Variants in SECISBP2 observed in about 807,000 individuals in gnomAD.
SECISBP2 encodes selenocysteine insertion sequence-binding protein 2.
SECISBP2 carries 96 observed loss-of-function variants against 98.2 expected under a neutral mutation model. The ratio of observed to expected loss-of-function variants is 0.98; its 90% CI spans 0.83 to 1.16. The LOEUF (loss-of-function observed/expected upper bound fraction) is 1.16. SECISBP2 is among the 50% of genes most tolerant of loss of function. SECISBP2 has a pLI of 0.00. For synonymous variants in SECISBP2, 407 were observed against 370.2 expected, an observed-to-expected ratio of 1.10 and a Z score of -1.14; for missense variants, 1,046 against 1,022.9, an observed-to-expected ratio of 1.02 and a Z score of -0.31.
At position 89,318,610 on chromosome 9, in the gene SECISBP2, G is replaced by A. The variant is rs1489475871; in HGVS notation, c.34G>A (p.Glu12Lys). 6.9e-7 allele frequency: 1 copy of A among 1,455,280 alleles called. No homozygotes were observed. 90.1% of individuals were successfully genotyped at this position (1,455,280 alleles called of 1,614,324 possible). The change falls in exon 1 of 17, where the codon GAG becomes AAG. Residue 12 changes from glutamate (E) to lysine (K), a missense_variant and splice_region_variant. Transcript: ENST00000375807. Reference protein sequence around the residue: ...ASEGPREPESEGIKLSADVKP... With the variant: ...ASEGPREPESKGIKLSADVKP... ...GGAGGGGCCGCGGGAGCCCGAAAGC[G>A]AGGTAAGGGCCGACGGGGGCTCTCT...
rs1169696626 is a variant in SECISBP2 at position 89,346,882 on chromosome 9, T to G, written c.1436T>G (p.Val479Gly). The change falls in exon 11 of 17, where the codon GTT (valine) becomes GGT (glycine). Residue 479 changes from valine to glycine, a missense_variant and splice_region_variant. Val to Gly is a moderately radical substitution (Grantham distance 109). Transcript: ENST00000375807. ...AGGGCTTTGTCCCACTGCGTTTCAGTTGGAGCAGTGCCAGTCCTTTCCAAA... is the reference window on the plus strand; with the variant it reads ...AGGGCTTTGTCCCACTGCGTTTCAGGTGGAGCAGTGCCAGTCCTTTCCAAA... ...KQSSKPVVVSVGAVPVLSKEC... is the reference protein window; with the variant it reads ...KQSSKPVVVSGGAVPVLSKEC... 6 of 1,613,950 alleles carry G rather than the reference T, an allele frequency of 3.7e-6. No homozygotes were observed. The highest frequency in any genetic ancestry group is 5.1e-6 in the Non-Finnish European group (6 of 1,180,006).
chr9:89,318,913 C>A, intron 1 of SECISBP2: 1 of 1,224,738 alleles, frequency 8.2e-7, no homozygotes, highest in Non-Finnish European at 1.0e-6. Context: ...GGGACTCTGG[C>A]GAGCTTCCCG....
At chr9:89,334,425 C>A in intron 6 of SECISBP2, 97 bp from the exon 7 acceptor site, 1 of 996,918 alleles carries the variant, frequency 1.0e-6, no homozygotes, top group Non-Finnish European at 1.6e-6. Flanking sequence ...TTTAATGATG[C>A]TCTGAGCAGT....
downstream of SECISBP2, among the ~76,000 whole-genome samples, chr9:89,359,912 T>G (rs904710856): frequency 6.6e-6 from 1 of 152,222 alleles, no homozygotes; most frequent in African/African-American, 2.4e-5. Flanking sequence ...GGAAAGAATT[T>G]TCACTGCTTT....
intron 7 of SECISBP2, among the ~76,000 whole-genome samples, chr9:89,337,213 T>G (rs1435865780): frequency 6.6e-6 from 1 of 152,210 alleles, no homozygotes; most frequent in African/African-American, 2.4e-5. Flanking sequence ...TAATTATAGG[T>G]CTAAGAAAAG....
At chr9:89,365,364 C>T in the SECISBP2 span, 1 of 152,338 alleles carries the variant, frequency 6.6e-6, no homozygotes, top group Admixed American at 6.5e-5. Flanking sequence ...CCAGGCACCC[C>T]AGCAGCGTGG....
At chr9:89,348,027 ATCTTT>A in intron 11 of SECISBP2, 47 bp from the exon 12 acceptor site, 2 of 1,533,578 alleles carry the variant, frequency 1.3e-6, no homozygotes, top group Non-Finnish European at 1.8e-6. Context: ...AGAAGAGCTT[ATCTTT>A]TAAGTACAAG....
At position 89,334,608 on chromosome 9, in the gene SECISBP2, ATAAACT is replaced by A. The variant is rs758184551; in HGVS notation, c.972_977del (p.Asn324_Leu325del). 120 of 1,614,054 alleles carry A rather than the reference ATAAACT, an allele frequency of 7.4e-5. No homozygotes were observed. The highest frequency in any genetic ancestry group is 5.2e-4 in the African/African-American group (39 of 74,948). On this transcript the variant is annotated inframe_deletion, in exon 7 of 17. Coordinates refer to ENST00000375807, the MANE Select transcript of SECISBP2 (RefSeq NM_024077.5). ...AGCCCCTAAAAATGTTACTTCTATG[ATAAACT>A]TAAAGACCATTGCTTCATCAGCAGA...
At chr9:89,367,065 C>T in the SECISBP2 span, 134 of 152,646 alleles carry the variant, frequency 8.8e-4, no homozygotes, top group African/African-American at 3.1e-3. Flanking sequence ...TCAGTAAATA[C>T]TATTTAAATA....
downstream of SECISBP2, among the ~76,000 whole-genome samples, chr9:89,360,631 C>A (rs942815175): frequency 2.0e-5 from 3 of 152,174 alleles, no homozygotes; most frequent in Non-Finnish European, 2.9e-5. Context: ...ACCAAACTCT[C>A]ATCACATGGT....
chr9:89,348,336 G>A, intron 12 of SECISBP2, 122 bp downstream of exon 12: 1 of 1,123,786 alleles, frequency 8.9e-7, no homozygotes. Flanking sequence ...GGTGAAAGTG[G>A]GTCAGCATTG....
At chr9:89,327,322 A>C (rs1826903510) in intron 4 of SECISBP2, among the ~76,000 whole-genome samples, 1 of 152,212 alleles carries the variant, frequency 6.6e-6, no homozygotes, top group Admixed American at 6.5e-5. Context: ...GACGTTCTAA[A>C]CATTGTACAC....
chr9:89,330,383 T>C (rs1337271342), intron 5 of SECISBP2: 2 of 152,238 alleles, frequency 1.3e-5, no homozygotes, highest in Non-Finnish European at 2.9e-5. Context: ...TCTGATGAAT[T>C]TCCGCTGAAG....
At chr9:89,365,817 T>C in the SECISBP2 span, among the ~76,000 whole-genome samples, 4 of 152,252 alleles carry the variant, frequency 2.6e-5, no homozygotes, top group Admixed American at 6.5e-5. Flanking sequence ...TTTCCATTTC[T>C]GTGGCACATG....
intron 2 of SECISBP2, among the ~76,000 whole-genome samples, chr9:89,321,083 A>G (rs1386109357): frequency 2.0e-5 from 3 of 152,228 alleles, no homozygotes; most frequent in Non-Finnish European, 4.4e-5. Flanking sequence ...CTACCTTTAT[A>G]TGCTGGAATT....
chr9:89,344,901 A>G (rs948364614), intron 10 of SECISBP2, among the ~76,000 whole-genome samples: 1 of 152,220 alleles, frequency 6.6e-6, no homozygotes, highest in Non-Finnish European at 1.5e-5. Flanking sequence ...GAAGAGAAGG[A>G]ACAAGGAAAA....
chr9:89,335,418 C>T (rs1476413234), intron 7 of SECISBP2, among the ~76,000 whole-genome samples: 6 of 152,034 alleles, frequency 3.9e-5, no homozygotes, highest in East Asian at 3.9e-4. Flanking sequence ...CTGCAAGCTC[C>T]GCCTCTCAGG....
rs1297156249 is a variant in SECISBP2, at chr9:89,338,491, A to C, written c.1123A>C (p.Asn375His). ...KASQGSDLEQNEASRKNKKKK... is the reference protein window; with the variant it reads ...KASQGSDLEQHEASRKNKKKK... ...ATCACAAGGTAGTGACCTTGAACAAAATGAAGCCTCAAGAAAGAATAAGAA... is the reference window on the plus strand; with the variant it reads ...ATCACAAGGTAGTGACCTTGAACAACATGAAGCCTCAAGAAAGAATAAGAA... Residue 375 changes from asparagine (N) to histidine (H), a missense_variant, in exon 8 of 17, where the codon AAT (asparagine) becomes CAT (histidine). Asn to His is a moderately conservative substitution (Grantham distance 68, BLOSUM62 1). Transcript: ENST00000375807. 1 of 1,613,696 alleles carries C rather than the reference A, an allele frequency of 6.2e-7. No individual in the cohort carries two copies. Among genetic ancestry groups the C allele is most frequent in the Non-Finnish European group, 8.5e-7 (1 of 1,179,956 alleles).
chr9:89,322,255 T>G (rs1825939233), intron 2 of SECISBP2: 2 of 152,290 alleles, frequency 1.3e-5, no homozygotes, highest in Non-Finnish European at 2.9e-5. Flanking sequence ...ACATTTGCCA[T>G]GTTTGGAAAA....
Sources: allele counts gnomAD v4.1 joint callset (sites outside exome capture counted in the v4.1 genomes callset), GRCh38; gene constraint gnomAD v4.1.1; transcripts MANE v1.5; gene names NCBI Gene and HGNC (gene_info 2026-07-23, HGNC 2026-07-21).